Variants in WNT5B observed in about 807,000 individuals in gnomAD.
The protein encoded by WNT5B is Wnt family member 5B.
In WNT5B, 18 loss-of-function variants were observed where a neutral mutation model predicts 36.5. That is an observed-to-expected ratio of 0.49 (90% CI 0.34 to 0.73). The LOEUF is 0.73. Ranked by LOEUF, WNT5B falls within the 30% of genes least tolerant of loss-of-function variation. WNT5B has a pLI of 0.01. For synonymous variants in WNT5B, 213 were observed against 212.3 expected (o/e 1.00, Z -0.03); for missense variants, 424 against 508.4 (o/e 0.83, Z 1.60).
chr12:1,642,354 T>C lies in WNT5B; in HGVS notation c.621+2378T>C, dbSNP rs550504678. Among the ~76,000 whole-genome samples the C allele has an allele frequency of 2.6e-4, 39 of 152,208 alleles. No homozygotes were observed. In the South Asian group the frequency reaches 7.9e-3, roughly 31 times the overall value. ...TGAAATCTTAGTTGAAACACTGCCCTCCCCAGTCCCCATTGTTAGTAGTTT... is the reference window on the plus strand; with the variant it reads ...TGAAATCTTAGTTGAAACACTGCCCCCCCCAGTCCCCATTGTTAGTAGTTT... On this transcript the variant is annotated intron_variant, in intron 4 of 4. Transcript: ENST00000397196.
intron 1 of WNT5B, among the ~76,000 whole-genome samples, chr12:1,619,763 T>C (rs2094531366): frequency 6.6e-6 from 1 of 152,178 alleles, no homozygotes; most frequent in Non-Finnish European, 1.5e-5. Context: ...GCCATTCATG[T>C]GCCGTTGATC....
chr12:1,625,743 A>C (rs1452612444), upstream of WNT5B, among the ~76,000 whole-genome samples: 1 of 152,082 alleles, frequency 6.6e-6, no homozygotes, highest in Non-Finnish European at 1.5e-5. Context: ...GGCTCACTGC[A>C]AGCTCCACTT....
At chr12:1,629,884 G>C (rs1452676949) in intron 1 of WNT5B, 1 of 152,990 alleles carries the variant, frequency 6.5e-6, no homozygotes, top group African/African-American at 2.4e-5. Context: ...TGTTAGTCCC[G>C]GGCTGGGGGC....
At chr12:1,637,519 C>T (rs368782650) in intron 3 of WNT5B, among the ~76,000 whole-genome samples, 22 of 147,076 alleles carry the variant, frequency 1.5e-4, no homozygotes, top group South Asian at 8.6e-4. Flanking sequence ...GGGCGGATCA[C>T]GAGGTCAGGA....
upstream of WNT5B, among the ~76,000 whole-genome samples, chr12:1,628,029 G>A (rs1389339317): frequency 6.6e-6 from 1 of 152,198 alleles, no homozygotes; most frequent in Non-Finnish European, 1.5e-5. Context: ...GATGAATGAA[G>A]AGGAGGAACA....
intron 1 of WNT5B, among the ~76,000 whole-genome samples, chr12:1,622,274 C>T (rs58383612): frequency 0.24 from 37,124 of 151,732 alleles, 5,014 homozygotes; most frequent in Non-Finnish European, 0.31. Context: ...CCACGCCCGG[C>T]TAATTTTTTG....
At position 1,633,719 on chromosome 12, in the gene WNT5B, C is replaced by T. The variant is rs2094555347; in HGVS notation, c.328+814C>T. On this transcript the variant is annotated intron_variant, in intron 3 of 4. Coordinates refer to ENST00000397196, the MANE Select transcript of WNT5B (RefSeq NM_032642.3). This position sits in a 1 kb window ranked among gnomAD's most constrained non-coding sequence, Gnocchi z 4.8. ...TGTTAGAATGCTGTGTTCCTTCTGC[C>T]TGACATTCTCCCAGAACACCTCCCT... Among the ~76,000 whole-genome samples, 1 of 152,172 alleles carries T rather than the reference C, an allele frequency of 6.6e-6. No individual in the cohort carries two copies. Among genetic ancestry groups the T allele is most frequent in the Non-Finnish European group, 1.5e-5 (1 of 68,036 alleles).
Position 1,632,123 on chromosome 12 carries a change from T to C in WNT5B, c.81-535T>C, listed in dbSNP as rs1419026337. On this transcript the variant is annotated intron_variant, in intron 2 of 4. Transcript: ENST00000397196. The surrounding 1 kb of genome is among the most constrained non-coding windows in gnomAD (Gnocchi z 5.8). ...CTAGATCGTGATGTATGTAAAGTGA[T>C]TGGATTTTAAAGGCCCAAAGGGAGT... Among the ~76,000 whole-genome samples the C allele has an allele frequency of 6.6e-6, 1 of 152,160 alleles. No individual in the cohort carries two copies. The highest frequency in any genetic ancestry group is 1.5e-5 in the Non-Finnish European group (1 of 68,028).
chr12:1,621,960 C>G (rs2094534334), intron 1 of WNT5B, among the ~76,000 whole-genome samples: 1 of 152,160 alleles, frequency 6.6e-6, no homozygotes, highest in South Asian at 2.1e-4. Flanking sequence ...CGAAAAGCAC[C>G]TTGAAATTTT....
chr12:1,631,278 T>C lies in WNT5B; in HGVS notation c.-57-20T>C. On this transcript the variant is annotated intron_variant, in intron 1 of 4. Transcript: ENST00000397196. ...ATCCGCTGAGTTTCCACACTGACTCTCCATTTCTGTTTTCTCCAGGGAACC... is the reference window on the plus strand; with the variant it reads ...ATCCGCTGAGTTTCCACACTGACTCCCCATTTCTGTTTTCTCCAGGGAACC... 6.3e-7 allele frequency: 1 copy of C among 1,589,880 alleles called. No individual in the cohort carries two copies. Among genetic ancestry groups the C allele is most frequent in the Non-Finnish European group, 8.6e-7 (1 of 1,166,136 alleles).
Position 1,631,378 on chromosome 12 carries a change from C to A in WNT5B, c.24C>A (p.Phe8Leu). MPSLLLLFTAALLSSWAQ... is the reference protein window; with the variant it reads MPSLLLLLTAALLSSWAQ... ...CCATGCCCAGCCTGCTGCTGCTGTT[C>A]ACGGCTGCTCTGCTGTCCAGCTGGG... The change falls in exon 2 of 5, where the codon TTC (phenylalanine) becomes TTA (leucine). Residue 8 changes from phenylalanine to leucine, a missense_variant. Physicochemically the swap from Phe to Leu is conservative, Grantham distance 22. Coordinates refer to ENST00000397196, the MANE Select transcript of WNT5B (RefSeq NM_032642.3). The A allele has an allele frequency of 6.2e-7, 1 of 1,614,138 alleles. No homozygotes were observed. Among genetic ancestry groups the A allele is most frequent in the South Asian group, 1.1e-5 (1 of 91,068 alleles).
intron 1 of WNT5B, among the ~76,000 whole-genome samples, chr12:1,617,650 GAAA>G (rs1263125264): frequency 6.6e-6 from 1 of 151,902 alleles, no homozygotes; most frequent in Admixed American, 6.6e-5. Context: ...AAAAGAAAAA[GAAA>G]AAAGAACTGC....
chr12:1,623,780 A>G (rs1477860399), intron 1 of WNT5B, among the ~76,000 whole-genome samples: 1 of 152,124 alleles, frequency 6.6e-6, no homozygotes, highest in East Asian at 1.9e-4. Context: ...TTCCAGACCC[A>G]TAGCTCTTGA....
intron 1 of WNT5B, among the ~76,000 whole-genome samples, chr12:1,620,521 A>C (rs376435115): frequency 2.0e-5 from 3 of 151,270 alleles, no homozygotes; most frequent in Admixed American, 1.3e-4. Flanking sequence ...GGCTATCAAG[A>C]GTGCTGCTAT....
rs2094550683 is a variant in WNT5B, at chr12:1,631,437, G to A, written c.80+3G>A. On this transcript the variant is annotated splice_donor_region_variant and intron_variant, in intron 2 of 4. Transcript: ENST00000397196. ...CTGACAGACGCCAACTCCTGGTGGT[G>A]AGTAAGAGGGGCTGAGGTCCTGCCT... The A allele has an allele frequency of 3.1e-6, 5 of 1,613,900 alleles. No homozygotes were observed. The African/African-American group carries it at 5.3e-5, about 17-fold the overall frequency.
intron 1 of WNT5B, among the ~76,000 whole-genome samples, chr12:1,622,149 C>G (rs1041664863): frequency 7.1e-6 from 1 of 141,130 alleles, no homozygotes; most frequent in Admixed American, 7.7e-5. Flanking sequence ...CTCGCTCTGT[C>G]GCCCAGGCTG....
intron 3 of WNT5B, among the ~76,000 whole-genome samples, chr12:1,637,513 G>A (rs945190843): frequency 4.6e-5 from 7 of 151,512 alleles, no homozygotes; most frequent in East Asian, 1.9e-4. Flanking sequence ...CCAGGCGGGC[G>A]GATCACGAGG....
At chr12:1,641,665 G>A (rs776925569) in intron 4 of WNT5B, among the ~76,000 whole-genome samples, 7 of 151,054 alleles carry the variant, frequency 4.6e-5, no homozygotes, top group Admixed American at 2.6e-4. Context: ...TTAGCTGGAC[G>A]TGGTGGCACA....
intron 3 of WNT5B, among the ~76,000 whole-genome samples, chr12:1,636,646 T>G (rs1016757754): frequency 4.0e-5 from 6 of 151,168 alleles, no homozygotes; most frequent in African/African-American, 1.5e-4. Flanking sequence ...GCTTAAACAA[T>G]TCTTCCACCT....
Sources: gnomAD v4.1 joint callset for allele counts (sites outside exome capture counted in the v4.1 genomes callset) on GRCh38, gnomAD v4.1.1 for gene constraint, Gnocchi (gnomAD v3.1) non-coding constraint, MANE v1.5 for transcripts, NCBI Gene and HGNC (gene_info 2026-07-23, HGNC 2026-07-21) for gene names.